CSGALNACT1: variants seen among roughly 807,000 people sequenced by gnomAD.
CSGALNACT1 encodes beta4GalNAcT-1.
A neutral mutation model predicts 51.0 loss-of-function variants in CSGALNACT1; 52 were observed. The ratio of observed to expected loss-of-function variants is 1.02; its 90% CI spans 0.82 to 1.29. The LOEUF (loss-of-function observed/expected upper bound fraction) is 1.29, where lower values mean the gene tolerates loss of function less well. CSGALNACT1 is among the 50% of genes most tolerant of loss of function. CSGALNACT1 has a pLI of 0.00. For synonymous variants in CSGALNACT1, 341 were observed against 254.4 expected (o/e 1.34, Z -3.24); for missense variants, 935 against 679.2 (o/e 1.38, Z -4.19).
intron 1 of CSGALNACT1, among the ~76,000 whole-genome samples, chr8:19,649,912 TC>T (rs2057648174): frequency 6.9e-6 from 1 of 145,388 alleles, no homozygotes; most frequent in African/African-American, 2.5e-5. Context: ...GTAAAATTTT[TC>T]TGGTAGGGAA....
At chr8:19,732,533 A>G (rs7825924) in intron 1 of CSGALNACT1, 137,730 of 152,260 alleles carry the variant, frequency 0.9, 62,584 homozygotes, top group East Asian at 1. Context: ...ATGTGTCTTC[A>G]TGGGACTTTC....
chr8:19,443,429 T>C (rs1379264215), intron 5 of CSGALNACT1, among the ~76,000 whole-genome samples: 1 of 152,172 alleles, frequency 6.6e-6, no homozygotes, highest in Non-Finnish European at 1.5e-5. Context: ...AATAAAGACA[T>C]ACCCAAGACT....
chr8:19,724,440 A>C (rs1202100206), intron 1 of CSGALNACT1, among the ~76,000 whole-genome samples: 1 of 152,152 alleles, frequency 6.6e-6, no homozygotes. Flanking sequence ...TTTTTCTCAC[A>C]CGGCATCACT....
intron 1 of CSGALNACT1, among the ~76,000 whole-genome samples, chr8:19,756,867 C>G (rs982099980): frequency 3.3e-5 from 5 of 152,110 alleles, no homozygotes; most frequent in African/African-American, 9.7e-5. Context: ...GCTGGTGAAG[C>G]CAAACCGACC....
intron 3 of CSGALNACT1, among the ~76,000 whole-genome samples, chr8:19,516,495 G>C (rs1259355588): frequency 2.0e-5 from 3 of 152,032 alleles, no homozygotes. Flanking sequence ...CTCAAACGTG[G>C]CATGAATCAC....
At chr8:19,666,943 A>AAGAAAGAAAG (rs71205940) in intron 1 of CSGALNACT1, among the ~76,000 whole-genome samples, 1 of 79,392 alleles carries the variant, frequency 1.3e-5, no homozygotes, top group Non-Finnish European at 2.6e-5. Context: ...GAGAGAGAGA[A>AAGAAAGAAAG]AAAGAAAGAA....
chr8:19,416,808 G>T (rs2056972842), intron 8 of CSGALNACT1, among the ~76,000 whole-genome samples: 1 of 152,124 alleles, frequency 6.6e-6, no homozygotes, highest in African/African-American at 2.4e-5. Flanking sequence ...GAAATTGCCT[G>T]ACGATACATG....
intron 4 of CSGALNACT1, among the ~76,000 whole-genome samples, chr8:19,500,640 G>A (rs1392970253): frequency 1.3e-5 from 2 of 152,182 alleles, no homozygotes; most frequent in Admixed American, 1.3e-4. Context: ...GACAAGTGAA[G>A]TAAAAAACTC....
chr8:19,691,039 T>C (rs1434772180), intron 1 of CSGALNACT1, among the ~76,000 whole-genome samples: 1 of 152,058 alleles, frequency 6.6e-6, no homozygotes, highest in Non-Finnish European at 1.5e-5. Context: ...CTGCAGTGAG[T>C]GGCAATTGCA....
intron 2 of CSGALNACT1, among the ~76,000 whole-genome samples, chr8:19,599,378 T>C (rs1382993347): frequency 7.0e-6 from 1 of 142,788 alleles, no homozygotes; most frequent in African/African-American, 2.6e-5. Flanking sequence ...ACACCTGTAA[T>C]CCCAGCACTT....
chr8:19,750,316 C>A (rs2064950782), intron 1 of CSGALNACT1, among the ~76,000 whole-genome samples: 1 of 152,128 alleles, frequency 6.6e-6, no homozygotes, highest in Non-Finnish European at 1.5e-5. Flanking sequence ...TTTGTCCCAG[C>A]CTCTGGTGGA....
chr8:19,459,083 C>T (rs2064785124), intron 4 of CSGALNACT1, among the ~76,000 whole-genome samples: 1 of 151,902 alleles, frequency 6.6e-6, no homozygotes, highest in East Asian at 1.9e-4. Flanking sequence ...AAAATTATGT[C>T]TTAGAAATTA....
chr8:19,461,313 C>T (rs2065299839), intron 4 of CSGALNACT1, among the ~76,000 whole-genome samples: 1 of 152,248 alleles, frequency 6.6e-6, no homozygotes, highest in Non-Finnish European at 1.5e-5. Flanking sequence ...AGGCTCTTTT[C>T]CCATCTCTGA....
exon 10 of CSGALNACT1, chr8:19,405,372 C>G (rs745690869): frequency 4.4e-6 from 2 of 456,994 alleles, no homozygotes. Context: ...TAGAGCCCTG[C>G]TGATAGGCTC....
At position 19,512,859 on chromosome 8, in the gene CSGALNACT1, A is replaced by C. The variant is rs149049088; in HGVS notation, c.-296-6729T>G. Among the ~76,000 whole-genome samples the C allele has an allele frequency of 3.9e-5, 6 of 152,354 alleles. No individual in the cohort carries two copies. In the East Asian group the frequency reaches 1.2e-3, roughly 29 times the overall value. On this transcript the variant is annotated intron_variant, in intron 3 of 9. Coordinates refer to ENST00000454498, the Ensembl canonical transcript of CSGALNACT1. ...GAAATCTGTAAAGTTAAAACAGAGG[A>C]ACACTGTTTCCAGAAACCAGAGTCA... is the stretch of plus-strand genomic sequence containing the variant.
At chr8:19,511,515 T>C (rs906466518) in intron 3 of CSGALNACT1, among the ~76,000 whole-genome samples, 1 of 152,222 alleles carries the variant, frequency 6.6e-6, no homozygotes, top group Admixed American at 6.5e-5. Context: ...CAAAAATGGA[T>C]ATAAAGTCAG....
rs1564386268 is a variant in CSGALNACT1 at position 19,667,013 on chromosome 8, AAGAAAGGAAGGAAGGAAGGAAGGAAGG to A, written c.-544+15433_-544+15459del. Among the ~76,000 whole-genome samples the A allele has an allele frequency of 2.1e-3, 86 of 40,510 alleles. 7 individuals carry two copies. Among genetic ancestry groups the A allele is most frequent in the African/African-American group, 9.2e-3 (61 of 6,640 alleles). The allele number at this position is 40,510 out of a possible 152,430, so 26.6% of individuals were successfully genotyped here. A position where few individuals can be genotyped will look rare whatever the true frequency, so the allele number is the denominator to read the frequency against. On this transcript the variant is annotated intron_variant, in intron 1 of 9. Transcript: ENST00000332246. ...AAAGAAAGAAAGAAAGAAAGAAAGA[AAGAAAGGAAGGAAGGAAGGAAGGAAGG>A]AAGAAAGAAAGAAAGAAAGAAAGAA...
At chr8:19,599,865 G>A (rs1011132859) in intron 2 of CSGALNACT1, among the ~76,000 whole-genome samples, 1 of 152,160 alleles carries the variant, frequency 6.6e-6, no homozygotes, top group African/African-American at 2.4e-5. Flanking sequence ...CAAATGAGTT[G>A]TTTCCTTTCT....
intron 6 of CSGALNACT1, among the ~76,000 whole-genome samples, chr8:19,427,967 G>T (rs550340612): frequency 6.6e-6 from 1 of 152,060 alleles, no homozygotes; most frequent in Non-Finnish European, 1.5e-5. Flanking sequence ...CATCGTAGGT[G>T]TAGGATAAGA....
Sources: allele counts gnomAD v4.1 joint callset (sites outside exome capture counted in the v4.1 genomes callset), GRCh38; gene constraint gnomAD v4.1.1; transcripts MANE v1.5; gene names NCBI Gene and HGNC (gene_info 2026-07-23, HGNC 2026-07-21).